POU6F2: variants seen among roughly 807,000 people sequenced by gnomAD.
POU6F2 encodes POU class 6 homeobox 2.
In POU6F2, 31 loss-of-function variants were observed where a neutral mutation model predicts 71.3. The observed-to-expected ratio is 0.43, with a 90% CI of 0.33 to 0.59. The LOEUF is 0.59. POU6F2 is among the 20% of genes least tolerant of loss of function. The pLI is 0.04. For synonymous variants in POU6F2, 347 were observed against 355.7 expected, an observed-to-expected ratio of 0.98 and a Z score of 0.27; for missense variants, 783 against 856.8, an observed-to-expected ratio of 0.91 and a Z score of 1.07.
chr7:39,454,580 C>G (rs560004846), intron 8 of POU6F2, among the ~76,000 whole-genome samples: 1 of 146,410 alleles, frequency 6.8e-6, no homozygotes, highest in African/African-American at 2.5e-5. Flanking sequence ...AGAAGATGCT[C>G]CTAGCACCCC....
intron 1 of POU6F2, among the ~76,000 whole-genome samples, chr7:39,070,479 A>G (rs1410494646): frequency 6.6e-6 from 1 of 151,666 alleles, no homozygotes; most frequent in African/African-American, 2.4e-5. Flanking sequence ...AAAACCCTCA[A>G]GTGGTTTTCT....
intron 1 of POU6F2, chr7:39,006,744 G>A (rs1789083213): frequency 4.7e-6 from 5 of 1,053,388 alleles, no homozygotes; most frequent in Admixed American, 3.5e-5. Context: ...AAAATGTTGG[G>A]GTTTTCTTCT....
chr7:39,372,245 T>C (rs917881487), intron 5 of POU6F2, among the ~76,000 whole-genome samples: 1 of 152,106 alleles, frequency 6.6e-6, no homozygotes, highest in African/African-American at 2.4e-5. Flanking sequence ...TGTACTTATA[T>C]AAAGAGAGAA....
chr7:38,981,591 G>T (rs181005928), intron 1 of POU6F2, among the ~76,000 whole-genome samples: 1 of 152,132 alleles, frequency 6.6e-6, no homozygotes, highest in African/African-American at 2.4e-5. Context: ...TGCTGGGAGT[G>T]AGAGAGAGAC....
Position 39,018,874 on chromosome 7 carries a change from G to T in POU6F2, c.105+40816G>T, listed in dbSNP as rs184156972. On this transcript the variant is annotated intron_variant, in intron 1 of 9. Transcript: ENST00000518318. ...ATAGTTTACCCTTTTCATGAAGAAG[G>T]TTCAGTTCTTTTACCTAGAAACTTA... Among the ~76,000 whole-genome samples the T allele has an allele frequency of 5.9e-5, 9 of 152,152 alleles. No individual in the cohort carries two copies. In the East Asian group the frequency reaches 1.7e-3, roughly 29 times the overall value.
intron 1 of POU6F2, among the ~76,000 whole-genome samples, chr7:39,008,490 G>C (rs1324852246): frequency 6.7e-6 from 1 of 149,964 alleles, no homozygotes; most frequent in Non-Finnish European, 1.5e-5. Context: ...CACTCTGATG[G>C]TAGTTTCTTT....
In POU6F2 at chr7:39,287,657, A is replaced by C. The variant is rs564810423; in HGVS notation, c.599-51985A>C. On this transcript the variant is annotated intron_variant, in intron 4 of 9. Coordinates refer to ENST00000518318, the MANE Select transcript of POU6F2 (RefSeq NM_001370959.1). ...TTCCAGGAGACACACACAGAAAAAA[A>C]CACTTGGGTCAATCATCTGATGATC... Among the ~76,000 whole-genome samples, 9 of 152,318 alleles carry C rather than the reference A, an allele frequency of 5.9e-5. No individual in the cohort carries two copies. In the South Asian group the frequency reaches 1.9e-3, roughly 32 times the overall value.
At chr7:39,252,638 G>A (rs2128753042) in intron 4 of POU6F2, among the ~76,000 whole-genome samples, 1 of 152,222 alleles carries the variant, frequency 6.6e-6, no homozygotes, top group Non-Finnish European at 1.5e-5. Context: ...TTGAACATTT[G>A]TGTTTGGAGA....
At chr7:39,390,954 G>A (rs1191545383) in intron 5 of POU6F2, among the ~76,000 whole-genome samples, 3 of 151,986 alleles carry the variant, frequency 2.0e-5, no homozygotes, top group Non-Finnish European at 4.4e-5. Context: ...CCCCAAACCT[G>A]TTTCATTCCC....
intron 4 of POU6F2, among the ~76,000 whole-genome samples, chr7:39,336,551 T>C (rs1189433947): frequency 1.3e-5 from 2 of 152,252 alleles, no homozygotes. Context: ...CAAGGCTTCT[T>C]TCCAGGATTC....
intron 5 of POU6F2, among the ~76,000 whole-genome samples, chr7:39,356,511 T>G (rs993245876): frequency 2.6e-5 from 4 of 152,230 alleles, no homozygotes; most frequent in Non-Finnish European, 5.9e-5. Context: ...TCTTTTATTT[T>G]CATCTTTTTT....
At position 39,213,787 on chromosome 7, in the gene POU6F2, C is replaced by T. The variant is rs1323115448; in HGVS notation, c.598+6167C>T. Among the ~76,000 whole-genome samples the T allele has an allele frequency of 1.3e-5, 2 of 152,198 alleles. 1 individual carries two copies. Among genetic ancestry groups the T allele is most frequent in the Non-Finnish European group, 2.9e-5 (2 of 68,042 alleles). On this transcript the variant is annotated intron_variant, in intron 4 of 9. Transcript: ENST00000518318. ...TACATTTTGTTTATCTATGACCATT[C>T]CAACATCCCAGTGGGCAGACATCAC...
In POU6F2 at chr7:39,018,502, T is replaced by A. The variant is rs577628009; in HGVS notation, c.105+40444T>A. ...GCAGAAATATTAATCAGCTTAATAG[T>A]CTAGAATGTGCTGGGAGTGTTAGTT... is the stretch of plus-strand genomic sequence containing the variant. On this transcript the variant is annotated intron_variant, in intron 1 of 9. Transcript: ENST00000518318. Among the ~76,000 whole-genome samples the A allele has an allele frequency of 1.9e-3, 292 of 152,112 alleles. 7 individuals are homozygous for A. In the South Asian group the frequency reaches 0.031, roughly 16 times the overall value.
At chr7:39,393,151 T>C (rs536506506) in intron 5 of POU6F2, among the ~76,000 whole-genome samples, 1 of 152,366 alleles carries the variant, frequency 6.6e-6, no homozygotes, top group Admixed American at 6.5e-5. Context: ...GTTAGCTTAA[T>C]GTGTTTAGAA....
chr7:39,164,892 A>G (rs1479213923), intron 2 of POU6F2, among the ~76,000 whole-genome samples: 2 of 152,070 alleles, frequency 1.3e-5, no homozygotes, highest in Non-Finnish European at 2.9e-5. Flanking sequence ...CTTTACCCTC[A>G]TTCACTCCAT....
At chr7:39,232,948 G>A (rs1794602177) in intron 4 of POU6F2, among the ~76,000 whole-genome samples, 1 of 152,066 alleles carries the variant, frequency 6.6e-6, no homozygotes, top group African/African-American at 2.4e-5. Flanking sequence ...ATTCTCTCCA[G>A]GACTATTCCT....
At chr7:39,320,988 C>T (rs1273061238) in intron 4 of POU6F2, among the ~76,000 whole-genome samples, 11 of 152,216 alleles carry the variant, frequency 7.2e-5, no homozygotes, top group African/African-American at 1.9e-4. Context: ...CCCAGGAGGT[C>T]GAGGCTGCAG....
At chr7:39,334,564 C>T (rs1785725555) in intron 4 of POU6F2, among the ~76,000 whole-genome samples, 1 of 151,954 alleles carries the variant, frequency 6.6e-6, no homozygotes, top group Non-Finnish European at 1.5e-5. Flanking sequence ...TCACCTTCTA[C>T]ACTTTTTCAA....
At chr7:39,453,748 T>C (rs1788715955) in intron 8 of POU6F2, among the ~76,000 whole-genome samples, 1 of 152,168 alleles carries the variant, frequency 6.6e-6, no homozygotes, top group African/African-American at 2.4e-5. Flanking sequence ...GTGGGACATA[T>C]AAGTTCTAGG....
Sources: allele counts gnomAD v4.1 joint callset (sites outside exome capture counted in the v4.1 genomes callset), GRCh38; gene constraint gnomAD v4.1.1; transcripts MANE v1.5; gene names NCBI Gene and HGNC (gene_info 2026-07-23, HGNC 2026-07-21).